The following SH3RF2 variants were observed in gnomAD, a reference collection of about 807,000 sequenced individuals.
The protein encoded by SH3RF2 is SH3 domain containing ring finger 2.
In SH3RF2, 43 loss-of-function variants were observed where a neutral mutation model predicts 59.0. The ratio of observed to expected loss-of-function variants is 0.73; its 90% CI spans 0.57 to 0.94. The LOEUF is 0.94. Ranked by LOEUF, SH3RF2 falls within the 40% of genes least tolerant of loss-of-function variation. The pLI is 0.00. For synonymous variants in SH3RF2, 391 were observed against 391.5 expected, an observed-to-expected ratio of 1.00 and a Z score of 0.01; for missense variants, 930 against 940.1, an observed-to-expected ratio of 0.99 and a Z score of 0.14.
intron 2 of SH3RF2, among the ~76,000 whole-genome samples, chr5:145,950,285 C>A (rs1439350899): frequency 6.6e-6 from 1 of 152,152 alleles, no homozygotes; most frequent in African/African-American, 2.4e-5. Flanking sequence ...TGGGTTCTAA[C>A]CAAGGTGACA....
At chr5:146,072,334 C>A (rs1763255439) in intron 9 of SH3RF2, among the ~76,000 whole-genome samples, 1 of 152,132 alleles carries the variant, frequency 6.6e-6, no homozygotes, top group African/African-American at 2.4e-5. Flanking sequence ...TGCAGGATGA[C>A]ATGGGCTTGA....
chr5:146,034,992 G>A (rs1194569660), intron 5 of SH3RF2, among the ~76,000 whole-genome samples: 1 of 152,004 alleles, frequency 6.6e-6, no homozygotes, highest in Non-Finnish European at 1.5e-5. Context: ...TGTAATCTCG[G>A]CTACTCAGGA....
At position 146,053,764 on chromosome 5, in the gene SH3RF2, A is replaced by G. The variant is rs180753890; in HGVS notation, c.1323-2217A>G. Among the ~76,000 whole-genome samples the G allele has an allele frequency of 4.7e-3, 710 of 152,222 alleles. 2 individuals are homozygous for G. The highest frequency in any genetic ancestry group is 7.5e-3 in the Non-Finnish European group (510 of 68,020). On this transcript the variant is annotated intron_variant, in intron 7 of 9. Transcript: ENST00000359120. ...TCTTTCTTGCAACTTTCGCAGACAT[A>G]TGCCTACCTGGTGCCTTATGGGTGG...
At chr5:146,071,061 C>T (rs1313757279) in intron 9 of SH3RF2, among the ~76,000 whole-genome samples, 1 of 152,184 alleles carries the variant, frequency 6.6e-6, no homozygotes, top group Non-Finnish European at 1.5e-5. Flanking sequence ...ATCCTAATGA[C>T]CTTCCCATGA....
intron 2 of SH3RF2, among the ~76,000 whole-genome samples, chr5:145,998,184 C>T (rs893968178): frequency 2.0e-5 from 3 of 150,364 alleles, no homozygotes; most frequent in Non-Finnish European, 4.4e-5. Flanking sequence ...GGTTAACACA[C>T]AAACTGTGAA....
At chr5:146,048,966 G>A (rs1225786190) in intron 6 of SH3RF2, 109 bp from the exon 7 acceptor site, 1 of 1,327,976 alleles carries the variant, frequency 7.5e-7, no homozygotes, top group Admixed American at 1.8e-5. Context: ...CGACCAAGAA[G>A]GTTCTTATTG....
intron 2 of SH3RF2, among the ~76,000 whole-genome samples, chr5:145,975,821 G>A (rs1268721918): frequency 6.6e-6 from 1 of 152,214 alleles, no homozygotes; most frequent in South Asian, 2.1e-4. Flanking sequence ...ACAAATCCCT[G>A]CTCTGTGCCT....
In SH3RF2 at chr5:146,056,212, G is replaced by A. The variant is rs755124503; in HGVS notation, c.1554G>A (p.Lys518=). Residue 518 remains lysine (K), a splice_region_variant and synonymous_variant, in exon 8 of 10, where the codon AAG becomes AAA. Transcript: ENST00000359120. The stretch of plus-strand genomic sequence containing the variant: ...GGAAAGGGCGGAGCAGCATGAGAAA[G>A]AGTAAGTGGTGGCAGAGAGGTACGT... ...SLRKGRSSMR[K]NGSLQRPLQS... is the part of the protein sequence containing the mutation. The A allele has an allele frequency of 6.2e-7, 1 of 1,614,224 alleles. No homozygotes were observed.
intron 5 of SH3RF2, among the ~76,000 whole-genome samples, chr5:146,017,458 C>A: frequency 6.6e-6 from 1 of 152,128 alleles, no homozygotes; most frequent in Non-Finnish European, 1.5e-5. Flanking sequence ...GCCTCCCACA[C>A]TCACAGAGCA....
intron 2 of SH3RF2, among the ~76,000 whole-genome samples, chr5:145,972,522 A>G (rs1395683669): frequency 6.6e-6 from 1 of 152,164 alleles, no homozygotes; most frequent in Non-Finnish European, 1.5e-5. Context: ...CCCATAGATC[A>G]GGCTCCAGGG....
chr5:146,033,451 C>CCTTTTT (rs1561753484), intron 5 of SH3RF2, among the ~76,000 whole-genome samples: 2 of 71,856 alleles, frequency 2.8e-5, no homozygotes, highest in African/African-American at 9.6e-5. Context: ...TAGCCCTTAG[C>CCTTTTT]TTTTTTTTTT....
At chr5:146,074,270 T>C (rs1369303933) in intron 9 of SH3RF2, among the ~76,000 whole-genome samples, 1 of 152,122 alleles carries the variant, frequency 6.6e-6, no homozygotes, top group Non-Finnish European at 1.5e-5. Context: ...TTATCAAACA[T>C]TTTTTATCAT....
chr5:145,938,311 G>A lies in SH3RF2; in HGVS notation c.378+5G>A. The A allele has an allele frequency of 6.6e-7, 1 of 1,523,800 alleles. No individual in the cohort carries two copies. Among genetic ancestry groups the A allele is most frequent in the Non-Finnish European group, 8.8e-7 (1 of 1,142,616 alleles). 94.4% of individuals were successfully genotyped at this position (1,523,800 alleles called of 1,614,324 possible). ...GTCAGAATCCACATGGATGGGGTAAGAGAGATCTTATTTGCTAATATCATG... is the reference window on the plus strand; with the variant it reads ...GTCAGAATCCACATGGATGGGGTAAAAGAGATCTTATTTGCTAATATCATG... On this transcript the variant is annotated splice_donor_5th_base_variant and intron_variant, in intron 2 of 9. Coordinates refer to ENST00000359120, the MANE Select transcript of SH3RF2 (RefSeq NM_152550.4).
intron 5 of SH3RF2, among the ~76,000 whole-genome samples, chr5:146,028,590 T>G (rs1185755289): frequency 1.5e-5 from 2 of 137,158 alleles, no homozygotes; most frequent in Non-Finnish European, 3.4e-5. Flanking sequence ...CTGATGCCTG[T>G]AGCACCCACC....
rs1762955804 is a variant in SH3RF2, at chr5:146,062,959, T to A, written c.*258T>A. On this transcript the variant is annotated 3_prime_UTR_variant, in exon 10 of 10. Coordinates refer to ENST00000359120, the MANE Select transcript of SH3RF2 (RefSeq NM_152550.4). ...TTACTCAGACCAAGGAGTGAAAAATTGTCGTGCCCACTTTATGCCCCAGCA... is the reference window on the plus strand; with the variant it reads ...TTACTCAGACCAAGGAGTGAAAAATAGTCGTGCCCACTTTATGCCCCAGCA... 1.9e-6 allele frequency: 1 copy of A among 513,718 alleles called. No homozygotes were observed. The allele number at this position is 513,718 out of a possible 1,614,324, so 31.8% of individuals were successfully genotyped here. A position where few individuals can be genotyped will look rare whatever the true frequency, so the allele number is the denominator to read the frequency against.
chr5:146,060,249 C>T, intron 9 of SH3RF2, 25 bp downstream of exon 9: 2 of 1,564,230 alleles, frequency 1.3e-6, no homozygotes, highest in Admixed American at 1.8e-5. Flanking sequence ...ACATTGGGGG[C>T]CCAACTCTTT....
At chr5:146,024,853 GTACT>G (rs1460518525) in intron 5 of SH3RF2, among the ~76,000 whole-genome samples, 1 of 152,064 alleles carries the variant, frequency 6.6e-6, no homozygotes, top group Non-Finnish European at 1.5e-5. Flanking sequence ...TAAAAATTAA[GTACT>G]TTTTATAGCA....
chr5:146,062,805 G>A lies in SH3RF2; in HGVS notation c.*104G>A. The stretch of plus-strand genomic sequence containing the variant: ...CCATTCTTTGGGGACTTGAGCATGG[G>A]TCCTTGTTCTTCCTATTTCACCTCC... On this transcript the variant is annotated 3_prime_UTR_variant, in exon 10 of 10. Coordinates refer to ENST00000359120, the MANE Select transcript of SH3RF2 (RefSeq NM_152550.4). 6.9e-7 allele frequency: 1 copy of A among 1,446,988 alleles called. No homozygotes were observed. The highest frequency in any genetic ancestry group is 9.2e-7 in the Non-Finnish European group (1 of 1,084,596). 89.6% of individuals were successfully genotyped at this position (1,446,988 alleles called of 1,614,324 possible). A position where few individuals can be genotyped will look rare whatever the true frequency, so the allele number is the denominator to read the frequency against.
At chr5:145,983,893 A>G (rs1240484700) in intron 2 of SH3RF2, among the ~76,000 whole-genome samples, 2 of 152,224 alleles carry the variant, frequency 1.3e-5, no homozygotes, top group Non-Finnish European at 2.9e-5. Flanking sequence ...AGGATGGCCT[A>G]GAAAAATACT....
Sources: allele counts gnomAD v4.1 joint callset (sites outside exome capture counted in the v4.1 genomes callset), GRCh38; gene constraint gnomAD v4.1.1; transcripts MANE v1.5; gene names NCBI Gene and HGNC (gene_info 2026-07-23, HGNC 2026-07-21).